The following CCDC106 variants were observed in gnomAD, a reference collection of about 807,000 sequenced individuals.
CCDC106 encodes the protein coiled-coil domain containing 106.
CCDC106 carries 17 observed loss-of-function variants against 24.7 expected under a neutral mutation model. The ratio of observed to expected loss-of-function variants is 0.69; its 90% confidence interval spans 0.47 to 1.03. The LOEUF (loss-of-function observed/expected upper bound fraction) is 1.03, where lower values mean the gene tolerates loss of function less well. Ranked by LOEUF, CCDC106 falls within the 50% of genes least tolerant of loss-of-function variation. The pLI is 0.00. For synonymous variants in CCDC106, 211 were observed against 161.3 expected (o/e 1.31, Z -2.34); for missense variants, 337 against 388.9 (o/e 0.87, Z 1.12).
Position 55,648,786 on chromosome 19 carries a change from C to T in CCDC106, c.-261C>T. Reference sequence around the variant, plus strand: ...CCCACGTCCCCAGCTCACTTCTCCCCCAGGACCTAGGCGGCTGGGCCCCCT... The same window carrying T: ...CCCACGTCCCCAGCTCACTTCTCCCTCAGGACCTAGGCGGCTGGGCCCCCT... On this transcript the variant is annotated 5_prime_UTR_variant, in exon 1 of 5. Transcript: ENST00000586790. The T allele has an allele frequency of 1.7e-6, 1 of 574,176 alleles. No individual in the cohort carries two copies. Among genetic ancestry groups the T allele is most frequent in the East Asian group, 2.9e-5 (1 of 34,948 alleles). The allele number at this position is 574,176 out of a possible 1,614,324, so 35.6% of individuals were successfully genotyped here.
chr19:55,652,695 G>T lies in CCDC106; in HGVS notation c.792G>T (p.Ala264=). Reference sequence around the variant, plus strand: ...ACGAGACGCTCAAGAAGGTGCAGGCGCTCAAGAAGAGCAAGCTGCTGCTGC... The same window carrying T: ...ACGAGACGCTCAAGAAGGTGCAGGCTCTCAAGAAGAGCAAGCTGCTGCTGC... The part of the protein sequence containing the change: ...LDDETLKKVQ[A]LKKSKLLLPI... The change falls in exon 5 of 5, where the codon GCG becomes GCT. Residue 264 remains alanine, a synonymous_variant. Coordinates refer to ENST00000586790, the MANE Select transcript of CCDC106 (RefSeq NM_001370470.1). This position sits in a 1 kb window ranked among gnomAD's most constrained non-coding sequence, Gnocchi z 5.9. 6.2e-7 allele frequency: 1 copy of T among 1,612,864 alleles called. No homozygotes were observed. The highest frequency in any genetic ancestry group is 1.1e-5 in the South Asian group (1 of 91,070).
intron 3 of CCDC106, among the ~76,000 whole-genome samples, chr19:55,650,728 C>T (rs1290245104): frequency 6.6e-6 from 1 of 152,164 alleles, no homozygotes. Flanking sequence ...CAGTTTGGCC[C>T]TGCGGCTTCG....
chr19:55,649,957 A>C (rs1983132169), intron 3 of CCDC106, among the ~76,000 whole-genome samples: 1 of 151,772 alleles, frequency 6.6e-6, no homozygotes, highest in Admixed American at 6.6e-5. Flanking sequence ...CAAGAGGCCC[A>C]CCCTAGTTCT....
Position 55,649,040 on chromosome 19 carries a change from C to T in CCDC106, c.-7C>T. 2 of 1,613,012 alleles carry T rather than the reference C, an allele frequency of 1.2e-6. No homozygotes were observed. Among genetic ancestry groups the T allele is most frequent in the Non-Finnish European group, 1.7e-6 (2 of 1,179,936 alleles). ...CTCGGCTGCTGGGGTCCGTAGGAAGCCGCGCCATGAATGACCGGAGCAGTC... is the reference window on the plus strand; with the variant it reads ...CTCGGCTGCTGGGGTCCGTAGGAAGTCGCGCCATGAATGACCGGAGCAGTC... On this transcript the variant is annotated 5_prime_UTR_variant, in exon 1 of 5. Coordinates refer to ENST00000586790, the MANE Select transcript of CCDC106 (RefSeq NM_001370470.1).
chr19:55,648,943 C>G lies in CCDC106; in HGVS notation c.-104C>G. 2 of 1,152,014 alleles carry G rather than the reference C, an allele frequency of 1.7e-6. No individual in the cohort carries two copies. The highest frequency in any genetic ancestry group is 1.2e-5 in the South Asian group (1 of 81,288). 71.4% of individuals were successfully genotyped at this position (1,152,014 alleles called of 1,614,324 possible). A position where few individuals can be genotyped will look rare whatever the true frequency, so the allele number is the denominator to read the frequency against. ...CCCTCCTGTCTCACTTCACCTCCCC[C>G]AGGATGGACCCTCCAGTCCATCTGC... On this transcript the variant is annotated 5_prime_UTR_variant, in exon 1 of 5. Coordinates refer to ENST00000586790, the MANE Select transcript of CCDC106 (RefSeq NM_001370470.1).
rs765019135 is a variant in CCDC106 at position 55,652,773 on chromosome 19, C to T, written c.*27C>T. On this transcript the variant is annotated 3_prime_UTR_variant, in exon 5 of 5. Coordinates refer to ENST00000586790, the MANE Select transcript of CCDC106 (RefSeq NM_001370470.1). The surrounding 1 kb of genome is among the most constrained non-coding windows in gnomAD (Gnocchi z 5.9). The stretch of plus-strand genomic sequence containing the variant: ...CGCACCACGCCTCCGCGCCTCCACC[C>T]GGGCCTTCCTCCCCCGTGGACCCCG... 1.9e-6 allele frequency: 3 copies of T among 1,576,646 alleles called. No individual in the cohort carries two copies. The highest frequency in any genetic ancestry group is 2.6e-6 in the Non-Finnish European group (3 of 1,158,470).
At chr19:55,649,605 T>C (rs769215920) in intron 3 of CCDC106, 21 bp downstream of exon 3, 5 of 1,605,212 alleles carry the variant, frequency 3.1e-6, no homozygotes, top group Non-Finnish European at 4.3e-6. Flanking sequence ...GGTGCTCTGA[T>C]CCACATGCCT....
Position 55,649,315 on chromosome 19 carries a change from C to T in CCDC106, c.136+6C>T. 6.2e-7 allele frequency: 1 copy of T among 1,613,366 alleles called. No individual in the cohort carries two copies. The highest frequency in any genetic ancestry group is 8.5e-7 in the Non-Finnish European group (1 of 1,179,396). On this transcript the variant is annotated splice_donor_region_variant and intron_variant, in intron 2 of 4. Transcript: ENST00000586790. ...CTCTCGGAGAAACTTCGAGGGTGAGCTGAGGGGGTGTGGAGGGACTGGAGT... is the reference window on the plus strand; with the variant it reads ...CTCTCGGAGAAACTTCGAGGGTGAGTTGAGGGGGTGTGGAGGGACTGGAGT...
rs995944085 is a variant in CCDC106 at position 55,652,344 on chromosome 19, T to C, written c.527-86T>C. 5 of 1,225,474 alleles carry C rather than the reference T, an allele frequency of 4.1e-6. No homozygotes were observed. The African/African-American group carries it at 6.1e-5, about 15-fold the overall frequency. 75.9% of individuals were successfully genotyped at this position (1,225,474 alleles called of 1,614,324 possible). On this transcript the variant is annotated intron_variant, in intron 4 of 4. Transcript: ENST00000586790. This position sits in a 1 kb window ranked among gnomAD's most constrained non-coding sequence, Gnocchi z 5.9. ...TGCCTCTGCTCGCCGAGATCCTTTCTTCCCATGGCCGTTTCCCTTCCCGTG... is the reference window on the plus strand; with the variant it reads ...TGCCTCTGCTCGCCGAGATCCTTTCCTCCCATGGCCGTTTCCCTTCCCGTG...
rs201340136 is a variant in CCDC106 at position 55,651,390 on chromosome 19, G to A, written c.421G>A (p.Gly141Arg). ...TGAGTCAGCAGCCTCCTCCCTCAGCGGAGCGTCCGAAGAAGGCAGCGCCAG... is the reference window on the plus strand; with the variant it reads ...TGAGTCAGCAGCCTCCTCCCTCAGCAGAGCGTCCGAAGAAGGCAGCGCCAG... Reference protein sequence around the residue: ...DPESAASSLSGASEEGSASER... With the variant: ...DPESAASSLSRASEEGSASER... The change falls in exon 4 of 5, where the codon GGA becomes AGA. Residue 141 changes from glycine (G) to arginine (R), a missense_variant. Gly to Arg is a moderately radical substitution (Grantham distance 125). Transcript: ENST00000586790. The A allele has an allele frequency of 1.2e-3, 2,004 of 1,611,444 alleles. 3 individuals are homozygous for A. The highest frequency in any genetic ancestry group is 1.6e-3 in the Non-Finnish European group (1,875 of 1,179,056).
Position 55,648,950 on chromosome 19 carries a change from G to C in CCDC106, c.-97G>C. The C allele has an allele frequency of 8.1e-7, 1 of 1,228,372 alleles. No individual in the cohort carries two copies. The highest frequency in any genetic ancestry group is 1.2e-6 in the Non-Finnish European group (1 of 833,566). 76.1% of individuals were successfully genotyped at this position (1,228,372 alleles called of 1,614,324 possible). A position where few individuals can be genotyped will look rare whatever the true frequency, so the allele number is the denominator to read the frequency against. ...GTCTCACTTCACCTCCCCCAGGATG[G>C]ACCCTCCAGTCCATCTGCGTCTCTC... On this transcript the variant is annotated 5_prime_UTR_variant, in exon 1 of 5. Coordinates refer to ENST00000586790, the MANE Select transcript of CCDC106 (RefSeq NM_001370470.1).
intron 4 of CCDC106, 28 bp downstream of exon 4, chr19:55,651,523 G>A (rs770929421): frequency 4.9e-6 from 7 of 1,438,984 alleles, no homozygotes; most frequent in Non-Finnish European, 6.6e-6. Flanking sequence ...GGCGGGCGCT[G>A]AGGGGCCCGG....
chr19:55,647,581 G>A (rs1600054067), upstream of CCDC106, among the ~76,000 whole-genome samples: 2 of 152,326 alleles, frequency 1.3e-5, no homozygotes, highest in South Asian at 4.1e-4. Context: ...TTGCAGGTGA[G>A]TTAACAGGCT....
chr19:55,649,650 C>A, intron 3 of CCDC106, 66 bp downstream of exon 3: 2 of 1,459,270 alleles, frequency 1.4e-6, no homozygotes, highest in Non-Finnish European at 1.9e-6. Flanking sequence ...CTCACCCAGA[C>A]TCAAGGCTCC....
In CCDC106 at chr19:55,652,551, C is replaced by G. The variant is rs763829190; in HGVS notation, c.648C>G (p.Thr216=). The change falls in exon 5 of 5, where the codon ACC becomes ACG. Residue 216 remains threonine (T), a synonymous_variant. Transcript: ENST00000586790. The surrounding 1 kb of genome is among the most constrained non-coding windows in gnomAD (Gnocchi z 5.9). The part of the protein sequence containing the change: ...HRVDRNTVAL[T]TPIAELLIVA... ...TGGACAGGAACACCGTGGCGCTGAC[C>G]ACGCCCATCGCCGAGCTGCTCATTG... 5 of 1,613,608 alleles carry G rather than the reference C, an allele frequency of 3.1e-6. No individual in the cohort carries two copies. The highest frequency in any genetic ancestry group is 1.1e-5 in the South Asian group (1 of 91,064).
chr19:55,648,956 C>T lies in CCDC106; in HGVS notation c.-91C>T. ...CTTCACCTCCCCCAGGATGGACCCT[C>T]CAGTCCATCTGCGTCTCTCCATTTG... On this transcript the variant is annotated 5_prime_UTR_variant, in exon 1 of 5. Transcript: ENST00000586790. 7.9e-7 allele frequency: 1 copy of T among 1,264,818 alleles called. No homozygotes were observed. Among genetic ancestry groups the T allele is most frequent in the Non-Finnish European group, 1.2e-6 (1 of 865,434 alleles). 78.3% of individuals were successfully genotyped at this position (1,264,818 alleles called of 1,614,324 possible).
Position 55,652,843 on chromosome 19 carries a change from C to T in CCDC106, c.*97C>T. 9.2e-7 allele frequency: 1 copy of T among 1,092,720 alleles called. No homozygotes were observed. Among genetic ancestry groups the T allele is most frequent in the Non-Finnish European group, 1.3e-6 (1 of 771,594 alleles). The allele number at this position is 1,092,720 out of a possible 1,614,324, so 67.7% of individuals were successfully genotyped here. ...CCCCGCCGCGCCCCTGCCCCTCCTC[C>T]TCGCTCCCTGGGTTGGGGGCTCCCT... On this transcript the variant is annotated 3_prime_UTR_variant, in exon 5 of 5. Transcript: ENST00000586790. The surrounding 1 kb of genome is among the most constrained non-coding windows in gnomAD (Gnocchi z 5.9).
At chr19:55,649,640 C>T in intron 3 of CCDC106, 56 bp downstream of exon 3, 1 of 1,500,650 alleles carries the variant, frequency 6.7e-7, no homozygotes, top group Non-Finnish European at 9.1e-7. Context: ...TGGGTACCCG[C>T]TCACCCAGAC....
At chr19:55,649,656 G>A (rs560951950) in intron 3 of CCDC106, 72 bp downstream of exon 3, 1 of 1,449,474 alleles carries the variant, frequency 6.9e-7, no homozygotes, top group South Asian at 1.3e-5. Context: ...CAGACTCAAG[G>A]CTCCACTGTT....
Sources: allele counts gnomAD v4.1 joint callset (sites outside exome capture counted in the v4.1 genomes callset), GRCh38; gene constraint gnomAD v4.1.1; non-coding constraint Gnocchi (gnomAD v3.1); transcripts MANE v1.5; gene names NCBI Gene and HGNC (gene_info 2026-07-23, HGNC 2026-07-21).